IPMK: variants seen among roughly 807,000 people sequenced by gnomAD.
IPMK encodes inositol 1,3,4,6-tetrakisphosphate 5-kinase.
IPMK carries 17 observed loss-of-function variants against 45.8 expected under a neutral mutation model. That is an observed-to-expected ratio of 0.37 (90% CI 0.25 to 0.56). The LOEUF is 0.56. Ranked by LOEUF, IPMK falls within the 20% of genes least tolerant of loss-of-function variation. The pLI is 0.79. For missense variants in IPMK, 399 were observed against 498.0 expected (o/e 0.80, Z 1.89); for synonymous variants, 180 against 184.3 (o/e 0.98, Z 0.19).
At chr10:58,243,422 C>T (rs927782914) in intron 1 of IPMK, among the ~76,000 whole-genome samples, 2 of 152,226 alleles carry the variant, frequency 1.3e-5, no homozygotes, top group African/African-American at 4.8e-5. Context: ...GAGCCTGGAC[C>T]GTACTGCCAT....
chr10:58,262,708 T>C (rs148967664), intron 1 of IPMK, among the ~76,000 whole-genome samples: 10 of 152,332 alleles, frequency 6.6e-5, no homozygotes, highest in African/African-American at 1.9e-4. Flanking sequence ...ATGGTCAAAT[T>C]TGGGACCATT....
chr10:58,242,329 G>A (rs1171262396), intron 1 of IPMK, among the ~76,000 whole-genome samples: 10 of 151,936 alleles, frequency 6.6e-5, no homozygotes, highest in East Asian at 1.9e-4. Flanking sequence ...GCGTTGTGGC[G>A]GACGCCTGTA....
chr10:58,230,890 A>G (rs1024027851), intron 2 of IPMK, among the ~76,000 whole-genome samples: 5 of 152,136 alleles, frequency 3.3e-5, no homozygotes, highest in African/African-American at 1.2e-4. Context: ...GAGCTAAAGG[A>G]GGATGTTCGA....
chr10:58,220,180 C>T (rs893681457), intron 3 of IPMK, among the ~76,000 whole-genome samples: 1 of 152,112 alleles, frequency 6.6e-6, no homozygotes, highest in Non-Finnish European at 1.5e-5. Flanking sequence ...ATGTAAGTCC[C>T]TTGGTAGGGA....
chr10:58,260,803 C>G (rs1839053316), intron 1 of IPMK, among the ~76,000 whole-genome samples: 1 of 152,042 alleles, frequency 6.6e-6, no homozygotes, highest in South Asian at 2.1e-4. Flanking sequence ...ATACCATGTT[C>G]AAGTATTGGA....
At chr10:58,210,968 C>A (rs745829845) in intron 4 of IPMK, among the ~76,000 whole-genome samples, 1 of 152,196 alleles carries the variant, frequency 6.6e-6, no homozygotes, top group Non-Finnish European at 1.5e-5. Context: ...CCCTGCCTCC[C>A]ATCCACCATC....
At chr10:58,233,781 C>T (rs529096216) in intron 2 of IPMK, among the ~76,000 whole-genome samples, 33 of 152,296 alleles carry the variant, frequency 2.2e-4, no homozygotes, top group Middle Eastern at 3.4e-3. Flanking sequence ...CCCTCTCTCA[C>T]CACTCAATTC....
At chr10:58,220,072 A>T (rs1379628719) in intron 3 of IPMK, among the ~76,000 whole-genome samples, 4 of 152,172 alleles carry the variant, frequency 2.6e-5, no homozygotes, top group African/African-American at 9.6e-5. Flanking sequence ...CTGGGGCAGG[A>T]GCAAATATCT....
At chr10:58,219,271 T>C (rs1381232950) in intron 3 of IPMK, among the ~76,000 whole-genome samples, 2 of 152,134 alleles carry the variant, frequency 1.3e-5, no homozygotes, top group East Asian at 3.9e-4. Context: ...AAAATAAACA[T>C]CAAAACCTGC....
chr10:58,211,919 A>AAAAAAAAAAAAAAAAAAAAAAAAAAT (rs967150743), intron 4 of IPMK, among the ~76,000 whole-genome samples: 1 of 148,188 alleles, frequency 6.7e-6, no homozygotes, highest in African/African-American at 2.6e-5. Flanking sequence ...AAAAAAAAAA[A>AAAAAAAAAAAAAAAAAAAAAAAAAAT]AAAAAATTTG....
At chr10:58,228,812 A>G (rs939534904) in intron 2 of IPMK, among the ~76,000 whole-genome samples, 25 of 152,204 alleles carry the variant, frequency 1.6e-4, no homozygotes, top group African/African-American at 5.8e-4. Context: ...AAACCTTTCT[A>G]TCTTGAAATG....
At position 58,267,761 on chromosome 10, in the gene IPMK, G is replaced by A. The variant is rs947797229; in HGVS notation, c.-150C>T. ...GGTGCCCTCTGAAGCGCGGGGAGGG[G>A]GCCCATGACGCCGCCGGGGCGCGGG... On this transcript the variant is annotated 5_prime_UTR_variant, in exon 1 of 6. Coordinates refer to ENST00000373935, the MANE Select transcript of IPMK (RefSeq NM_152230.5). 7.0e-5 allele frequency: 40 copies of A among 570,376 alleles called. 1 individual carries two copies. The South Asian group carries it at 7.7e-4, about 11-fold the overall frequency. The allele number at this position is 570,376 out of a possible 1,614,324, so 35.3% of individuals were successfully genotyped here.
intron 4 of IPMK, among the ~76,000 whole-genome samples, chr10:58,204,063 TTA>T (rs1838036520): frequency 7.8e-6 from 1 of 128,968 alleles, no homozygotes; most frequent in Non-Finnish European, 1.6e-5. Flanking sequence ...ACACTGTTTT[TTA>T]AAAAAACATA....
intron 1 of IPMK, among the ~76,000 whole-genome samples, chr10:58,242,475 A>G (rs1318311459): frequency 2.0e-4 from 27 of 131,868 alleles, no homozygotes; most frequent in Non-Finnish European, 1.4e-4. Flanking sequence ...AAAAAAAAAA[A>G]GAAAAGAAAA....
chr10:58,257,761 T>C (rs1588973376), intron 1 of IPMK, among the ~76,000 whole-genome samples: 1 of 152,252 alleles, frequency 6.6e-6, no homozygotes, highest in African/African-American at 2.4e-5. Flanking sequence ...ATAAGAACGT[T>C]TGATATAGTA....
rs564845801 is a variant in IPMK, at chr10:58,223,791, T to C, written c.373+3252A>G. 7.2e-5 allele frequency among the ~76,000 whole-genome samples: 11 copies of C among 152,266 alleles called. No homozygotes were observed. In the South Asian group the frequency reaches 1.5e-3, roughly 20 times the overall value. ...GGTGTTTTCCCCCAAGCTGTTCTCATGATAGTGAGGGAATTCTCACGAGAT... is the reference window on the plus strand; with the variant it reads ...GGTGTTTTCCCCCAAGCTGTTCTCACGATAGTGAGGGAATTCTCACGAGAT... On this transcript the variant is annotated intron_variant, in intron 3 of 5. Coordinates refer to ENST00000373935, the MANE Select transcript of IPMK (RefSeq NM_152230.5).
rs1311384831 is a variant in IPMK, at chr10:58,267,844, C to A, written c.-233G>T. The A allele has an allele frequency of 1.1e-5, 5 of 470,294 alleles. No individual in the cohort carries two copies. Among genetic ancestry groups the A allele is most frequent in the African/African-American group, 1.0e-4 (5 of 48,388 alleles). 29.1% of individuals were successfully genotyped at this position (470,294 alleles called of 1,614,324 possible). A position where few individuals can be genotyped will look rare whatever the true frequency, so the allele number is the denominator to read the frequency against. Reference sequence around the variant, plus strand: ...CTCCCGGCTCCTGTTCCTCTGCCGCCGCAGCCGCCGGCCCCGGCGCTGCCC... The same window carrying A: ...CTCCCGGCTCCTGTTCCTCTGCCGCAGCAGCCGCCGGCCCCGGCGCTGCCC... On this transcript the variant is annotated 5_prime_UTR_variant, in exon 1 of 6. Transcript: ENST00000373935.
chr10:58,226,865 G>A (rs1418357697), intron 3 of IPMK, among the ~76,000 whole-genome samples, 178 bp downstream of exon 3: 1 of 152,118 alleles, frequency 6.6e-6, no homozygotes, highest in African/African-American at 2.4e-5. Flanking sequence ...TTTAGAAATG[G>A]TTATGAAAAC....
At chr10:58,208,395 T>G (rs1190475337) in intron 4 of IPMK, among the ~76,000 whole-genome samples, 2 of 152,228 alleles carry the variant, frequency 1.3e-5, no homozygotes, top group African/African-American at 4.8e-5. Flanking sequence ...CGGGGTGTTA[T>G]AGAGCCCTGT....
Sources: allele counts gnomAD v4.1 joint callset (sites outside exome capture counted in the v4.1 genomes callset), GRCh38; gene constraint gnomAD v4.1.1; transcripts MANE v1.5; gene names NCBI Gene and HGNC (gene_info 2026-07-23, HGNC 2026-07-21).